VIPR1: variants seen among roughly 807,000 people sequenced by gnomAD.
The protein encoded by VIPR1 is vasoactive intestinal peptide receptor 1, also known as vasoactive intestinal polypeptide receptor 1.
In VIPR1, 59 loss-of-function variants were observed where a neutral mutation model predicts 58.8. The ratio of observed to expected loss-of-function variants is 1.00; its 90% confidence interval spans 0.81 to 1.25. The LOEUF is 1.25. Ranked by LOEUF, VIPR1 falls within the 50% of genes most tolerant of loss-of-function variation. The pLI is 0.00. For missense variants in VIPR1, 626 were observed against 602.7 expected (o/e 1.04, Z -0.40); for synonymous variants, 251 against 242.1 (o/e 1.04, Z -0.34).
intron 2 of VIPR1, 29 bp from the exon 3 acceptor site, chr3:42,519,194 C>A: frequency 1.3e-6 from 2 of 1,580,714 alleles, no homozygotes; most frequent in Admixed American, 3.5e-5. Context: ...ACTGTGCTCA[C>A]CCATGTGTCT....
Position 42,515,149 on chromosome 3 carries a change from C to T in VIPR1, c.184+1295C>T, listed in dbSNP as rs114329175. Reference sequence around the variant, plus strand: ...TGCTCAGGAGCAGGGAGCATCTTTACGTCTTCCTGGCTCCCTAGTTCCCCT... The same window carrying T: ...TGCTCAGGAGCAGGGAGCATCTTTATGTCTTCCTGGCTCCCTAGTTCCCCT... On this transcript the variant is annotated intron_variant, in intron 2 of 12. Transcript: ENST00000325123. Among the ~76,000 whole-genome samples the T allele has an allele frequency of 6.9e-3, 1,054 of 152,324 alleles. 13 individuals are homozygous for T. The highest frequency in any genetic ancestry group is 0.023 in the African/African-American group (969 of 41,570).
chr3:42,523,091 C>CCA (rs972481060), intron 3 of VIPR1, among the ~76,000 whole-genome samples: 3 of 151,768 alleles, frequency 2.0e-5, no homozygotes, highest in African/African-American at 7.3e-5. Context: ...CTGACCCCGC[C>CCA]CCCAGTGGAG....
intron 2 of VIPR1, among the ~76,000 whole-genome samples, chr3:42,517,837 G>A (rs1326091383): frequency 6.6e-6 from 1 of 152,240 alleles, no homozygotes; most frequent in South Asian, 2.1e-4. Flanking sequence ...TTAGCCGGGT[G>A]TGGTGGTGGG....
At position 42,513,371 on chromosome 3, in the gene VIPR1, GA is replaced by G. The variant is rs530538934; in HGVS notation, c.79-377del. 8.7e-5 allele frequency: 16 copies of G among 183,730 alleles called. No homozygotes were observed. In the East Asian group the frequency reaches 2.0e-3, roughly 23 times the overall value. 11.4% of individuals were successfully genotyped at this position (183,730 alleles called of 1,614,324 possible). A position where few individuals can be genotyped will look rare whatever the true frequency, so the allele number is the denominator to read the frequency against. ...GCACGAGCTGGCCCCACTCATCAGG[GA>G]GATCAAGACAGGGACAGACTCTCAA... is the stretch of plus-strand genomic sequence containing the variant. On this transcript the variant is annotated intron_variant, in intron 1 of 12. Transcript: ENST00000325123.
At chr3:42,497,018 A>G (rs1463821905) in intron 1 of VIPR1, among the ~76,000 whole-genome samples, 2 of 152,130 alleles carry the variant, frequency 1.3e-5, no homozygotes, top group Non-Finnish European at 2.9e-5. Context: ...GGTGGCATCA[A>G]TTATGTTAAA....
chr3:42,491,322 G>T (rs975721884), intron 1 of VIPR1, among the ~76,000 whole-genome samples: 6 of 152,124 alleles, frequency 3.9e-5, no homozygotes, highest in African/African-American at 1.4e-4. Context: ...AAGGAATTTT[G>T]GTATTTCTTA....
At chr3:42,521,222 T>A (rs1351114795) in intron 3 of VIPR1, 2 of 152,144 alleles carry the variant, frequency 1.3e-5, no homozygotes, top group Admixed American at 1.3e-4. Flanking sequence ...GCCCATACGG[T>A]GCCTTTGGAC....
Position 42,537,252 on chromosome 3 carries a change from T to C in VIPR1, c.*971T>C, listed in dbSNP as rs1297023300. The C allele has an allele frequency of 6.6e-6, 1 of 152,254 alleles. No individual in the cohort carries two copies. The highest frequency in any genetic ancestry group is 1.5e-5 in the Non-Finnish European group (1 of 68,048). 9.4% of individuals were successfully genotyped at this position (152,254 alleles called of 1,614,324 possible). On this transcript the variant is annotated 3_prime_UTR_variant, in exon 13 of 13. Transcript: ENST00000325123. ...CACATACAGGATTTGAACTCAGATC[T>C]GTCTGATAGGAATGTGAAAGCACGG... is the stretch of plus-strand genomic sequence containing the variant.
chr3:42,495,813 C>CA (rs1398137285), intron 1 of VIPR1, among the ~76,000 whole-genome samples: 1 of 151,882 alleles, frequency 6.6e-6, no homozygotes, highest in Non-Finnish European at 1.5e-5. Flanking sequence ...CTTATAGCTG[C>CA]AAAAAATTGA....
intron 1 of VIPR1, among the ~76,000 whole-genome samples, chr3:42,497,215 C>G (rs1353342815): frequency 6.6e-6 from 1 of 152,150 alleles, no homozygotes; most frequent in African/African-American, 2.4e-5. Context: ...AATTCACTGC[C>G]TCAGAAATGA....
At chr3:42,535,441 G>C (rs553097595) in intron 12 of VIPR1, 57 bp downstream of exon 12, 4 of 1,577,568 alleles carry the variant, frequency 2.5e-6, no homozygotes, top group African/African-American at 1.4e-5. Flanking sequence ...ACCAGGGTCC[G>C]GAAACATTGG....
rs1480889503 is a variant in VIPR1, at chr3:42,536,804, A to C, written c.*523A>C. On this transcript the variant is annotated 3_prime_UTR_variant, in exon 13 of 13. Coordinates refer to ENST00000325123, the MANE Select transcript of VIPR1 (RefSeq NM_004624.4). ...AGGCATTTGACTGAAGATGCAGCTC[A>C]CTACCCTATTCTCTCTTTACGCTTA... The C allele has an allele frequency of 6.5e-6, 1 of 153,190 alleles. No individual in the cohort carries two copies. The highest frequency in any genetic ancestry group is 1.5e-5 in the Non-Finnish European group (1 of 68,638). 9.5% of individuals were successfully genotyped at this position (153,190 alleles called of 1,614,324 possible). A position where few individuals can be genotyped will look rare whatever the true frequency, so the allele number is the denominator to read the frequency against.
At chr3:42,508,802 G>A (rs7613206) in intron 1 of VIPR1, 10,956 of 152,002 alleles carry the variant, frequency 0.072, 991 homozygotes, top group African/African-American at 0.21. Flanking sequence ...GCACGTTCTC[G>A]CCCACTCACG....
intron 2 of VIPR1, among the ~76,000 whole-genome samples, chr3:42,518,995 A>T (rs943038114): frequency 2.0e-5 from 3 of 152,180 alleles, no homozygotes; most frequent in Non-Finnish European, 4.4e-5. Flanking sequence ...GGGGCGCTCC[A>T]TCCCTCACTA....
intron 9 of VIPR1, 154 bp from the exon 10 acceptor site, chr3:42,532,088 C>T (rs548347745): frequency 1.2e-5 from 11 of 924,354 alleles, no homozygotes; most frequent in African/African-American, 3.3e-5. Context: ...GTAGAGTTCC[C>T]GGATGACCTG....
intron 9 of VIPR1, 86 bp downstream of exon 9, chr3:42,531,955 T>C: frequency 6.7e-7 from 1 of 1,492,222 alleles, no homozygotes; most frequent in Non-Finnish European, 9.3e-7. Flanking sequence ...GAAATTAGTA[T>C]CTAGGTCAGA....
At chr3:42,498,197 G>A (rs1429425726), upstream of VIPR1, among the ~76,000 whole-genome samples, 1 of 152,214 alleles carries the variant, frequency 6.6e-6, no homozygotes, top group African/African-American at 2.4e-5. Flanking sequence ...ACTGTGAGGA[G>A]GGCAATGAGT....
intron 1 of VIPR1, chr3:42,507,384 T>G (rs1399888482): frequency 1.3e-5 from 2 of 152,274 alleles, no homozygotes; most frequent in Non-Finnish European, 2.9e-5. Flanking sequence ...GCCCCTCTCA[T>G]GCGGCCCATT....
At chr3:42,501,903 G>A (rs1192246565), upstream of VIPR1, 1 of 152,220 alleles carries the variant, frequency 6.6e-6, no homozygotes, top group East Asian at 1.9e-4. This position sits in a 1 kb window ranked among gnomAD's most constrained non-coding sequence, Gnocchi z 4.8. Context: ...GACCCGCGAG[G>A]GTGCGGACAC....
Sources: allele counts gnomAD v4.1 joint callset (sites outside exome capture counted in the v4.1 genomes callset), GRCh38; gene constraint gnomAD v4.1.1; non-coding constraint Gnocchi (gnomAD v3.1); transcripts MANE v1.5; gene names NCBI Gene and HGNC (gene_info 2026-07-23, HGNC 2026-07-21).